The following MACROD2 variants were observed in gnomAD, a reference collection of about 807,000 sequenced individuals.
MACROD2 encodes the protein ADP-ribose glycohydrolase MACROD2.
Under a neutral mutation model 70.4 loss-of-function variants are expected in MACROD2, and 36 were observed. That is an observed-to-expected ratio of 0.51 (90% CI 0.39 to 0.68). MACROD2 has a LOEUF of 0.68. MACROD2 is among the 30% of genes least tolerant of loss of function. The pLI is 0.00. For missense variants in MACROD2, 496 were observed against 538.4 expected, an observed-to-expected ratio of 0.92 and a Z score of 0.78; for synonymous variants, 172 against 178.8, an observed-to-expected ratio of 0.96 and a Z score of 0.30.
chr20:14,864,915 T>A (rs542039150), intron 5 of MACROD2, among the ~76,000 whole-genome samples: 10 of 152,274 alleles, frequency 6.6e-5, no homozygotes, highest in African/African-American at 2.4e-4. Context: ...AGTTAAGTGA[T>A]GCTTTCAGTT....
Position 15,693,333 on chromosome 20 carries a change from T to C in MACROD2, c.646-169412T>C, listed in dbSNP as rs141304013. ...GCCCAGTCACTTTATCTCTCTGCGC[T>C]TCACACCAAGAGATAGTGTCTTGTA... On this transcript the variant is annotated intron_variant, in intron 8 of 17. Transcript: ENST00000684519. Among the ~76,000 whole-genome samples, 545 of 152,348 alleles carry C rather than the reference T, an allele frequency of 3.6e-3. 4 individuals carry two copies. Among genetic ancestry groups the C allele is most frequent in the Middle Eastern group, 0.02 (6 of 294 alleles).
chr20:14,250,237 C>T (rs989020658), intron 3 of MACROD2, among the ~76,000 whole-genome samples: 9 of 151,984 alleles, frequency 5.9e-5, no homozygotes, highest in African/African-American at 2.2e-4. Context: ...TACTGTCCCA[C>T]CTTTCTGATA....
intron 5 of MACROD2, among the ~76,000 whole-genome samples, chr20:15,184,692 C>T (rs1263373178): frequency 6.6e-6 from 1 of 152,224 alleles, no homozygotes; most frequent in Non-Finnish European, 1.5e-5. Flanking sequence ...GCCACCTGAT[C>T]TCAGCCAGGT....
chr20:14,304,217 C>G (rs2082500643), intron 3 of MACROD2, among the ~76,000 whole-genome samples: 1 of 152,294 alleles, frequency 6.6e-6, no homozygotes, highest in Non-Finnish European at 1.5e-5. Context: ...TCCTTGGACA[C>G]TTTATGTTTA....
intron 8 of MACROD2, among the ~76,000 whole-genome samples, chr20:15,527,533 T>C (rs2047737658): frequency 6.6e-6 from 1 of 152,120 alleles, no homozygotes; most frequent in South Asian, 2.1e-4. Flanking sequence ...GTCACACCGC[T>C]CCCCAGATTC....
chr20:15,455,258 C>A (rs1600436021), intron 7 of MACROD2, among the ~76,000 whole-genome samples: 1 of 152,172 alleles, frequency 6.6e-6, no homozygotes, highest in East Asian at 1.9e-4. Context: ...TCCTTTTTAA[C>A]CAGCTATGTC....
chr20:14,978,260 A>G (rs2074760461), intron 5 of MACROD2, among the ~76,000 whole-genome samples: 1 of 152,170 alleles, frequency 6.6e-6, no homozygotes, highest in African/African-American at 2.4e-5. Flanking sequence ...TAAACCATGT[A>G]TATGTATCTA....
intron 5 of MACROD2, among the ~76,000 whole-genome samples, chr20:15,206,483 A>G (rs1442619978): frequency 6.6e-6 from 1 of 152,116 alleles, no homozygotes; most frequent in Non-Finnish European, 1.5e-5. Flanking sequence ...TTGATTACGT[A>G]CATACATCAA....
At chr20:15,006,484 A>G (rs776770384) in intron 5 of MACROD2, among the ~76,000 whole-genome samples, 6 of 152,108 alleles carry the variant, frequency 3.9e-5, no homozygotes, top group Non-Finnish European at 5.9e-5. Flanking sequence ...AGCGAGTATA[A>G]CAAGTATTCC....
chr20:14,543,585 A>G (rs1334130457), intron 4 of MACROD2, among the ~76,000 whole-genome samples: 1 of 152,230 alleles, frequency 6.6e-6, no homozygotes, highest in Non-Finnish European at 1.5e-5. Flanking sequence ...CCATACATTT[A>G]GAAACTTCTA....
At chr20:15,031,814 G>A (rs1029833296) in intron 5 of MACROD2, among the ~76,000 whole-genome samples, 1 of 152,130 alleles carries the variant, frequency 6.6e-6, no homozygotes, top group Non-Finnish European at 1.5e-5. Context: ...AGAAATGGCA[G>A]CCTGGCTCCC....
At chr20:14,643,626 A>T (rs1406672405) in intron 4 of MACROD2, among the ~76,000 whole-genome samples, 1 of 152,230 alleles carries the variant, frequency 6.6e-6, no homozygotes, top group African/African-American at 2.4e-5. Flanking sequence ...ACTCTTCCTT[A>T]AAAGAAAGAG....
At chr20:14,471,861 A>G (rs561782974) in intron 3 of MACROD2, among the ~76,000 whole-genome samples, 4 of 152,310 alleles carry the variant, frequency 2.6e-5, no homozygotes, top group African/African-American at 9.6e-5. Flanking sequence ...TACAAATGGG[A>G]CAGCAAGGTT....
chr20:14,605,192 A>G (rs1366660552), intron 4 of MACROD2, among the ~76,000 whole-genome samples: 1 of 152,156 alleles, frequency 6.6e-6, no homozygotes, highest in Non-Finnish European at 1.5e-5. Flanking sequence ...GGTGGCATCA[A>G]CGACAGAAAT....
chr20:14,091,024 T>G (rs763036547), intron 3 of MACROD2, among the ~76,000 whole-genome samples: 1 of 152,220 alleles, frequency 6.6e-6, no homozygotes, highest in Non-Finnish European at 1.5e-5. Flanking sequence ...TTCATGTACT[T>G]GTTGGTCATT....
chr20:15,133,768 T>A (rs954131340), intron 5 of MACROD2, among the ~76,000 whole-genome samples: 1 of 152,126 alleles, frequency 6.6e-6, no homozygotes, highest in African/African-American at 2.4e-5. Flanking sequence ...TTGAAAACAA[T>A]GGTAGGATTC....
At chr20:15,829,626 G>A (rs1001889380) in intron 8 of MACROD2, among the ~76,000 whole-genome samples, 1 of 152,122 alleles carries the variant, frequency 6.6e-6, no homozygotes, top group Non-Finnish European at 1.5e-5. Flanking sequence ...TCCTCTTTAA[G>A]TTCTACATTC....
At chr20:15,506,000 G>T (rs991676115) in intron 8 of MACROD2, among the ~76,000 whole-genome samples, 2 of 152,172 alleles carry the variant, frequency 1.3e-5, no homozygotes, top group South Asian at 2.1e-4. Context: ...ATTGCTGTTT[G>T]TCACTTAAAG....
intron 8 of MACROD2, among the ~76,000 whole-genome samples, chr20:15,724,458 G>A (rs142382989): frequency 7.2e-6 from 1 of 139,026 alleles, no homozygotes; most frequent in East Asian, 2.1e-4. Flanking sequence ...GAAGGTGTAA[G>A]GTCTTTGTCT....
Sources: gnomAD v4.1 joint callset for allele counts (sites outside exome capture counted in the v4.1 genomes callset) on GRCh38, gnomAD v4.1.1 for gene constraint, MANE v1.5 for transcripts, NCBI Gene and HGNC (gene_info 2026-07-23, HGNC 2026-07-21) for gene names.